LINGO2: variants seen among roughly 807,000 people sequenced by gnomAD.
The protein encoded by LINGO2 is leucine rich repeat and Ig domain containing 2, also known as leucine-rich repeat and immunoglobulin-like domain-containing nogo receptor-interacting protein 2.
In LINGO2, 14 loss-of-function variants were observed where a neutral mutation model predicts 30.6. That is an observed-to-expected ratio of 0.46 (90% CI 0.30 to 0.72). The LOEUF (loss-of-function observed/expected upper bound fraction) is 0.72. LINGO2 is among the 30% of genes least tolerant of loss of function. LINGO2 has a pLI of 0.07. For missense variants in LINGO2, 729 were observed against 751.7 expected (o/e 0.97, Z 0.35); for synonymous variants, 317 against 288.5 (o/e 1.10, Z -1.00).
chr9:29,111,835 A>ATG, the LINGO2 span, among the ~76,000 whole-genome samples: 55 of 147,828 alleles, frequency 3.7e-4, no homozygotes, highest in East Asian at 3.2e-3. Context: ...ATATATATAT[A>ATG]TGTGTGTGTA....
intron 1 of LINGO2, among the ~76,000 whole-genome samples, chr9:28,647,760 C>T (rs1827903098): frequency 6.6e-6 from 1 of 152,012 alleles, no homozygotes; most frequent in African/African-American, 2.4e-5. Context: ...TCACAATAAA[C>T]TGAACCTTCC....
the LINGO2 span, among the ~76,000 whole-genome samples, chr9:28,826,210 T>G: frequency 6.6e-6 from 1 of 152,168 alleles, no homozygotes; most frequent in Non-Finnish European, 1.5e-5. Context: ...CATTGTTAAC[T>G]TAGGAATGAT....
At chr9:28,451,152 T>G (rs1400268660) in intron 2 of LINGO2, among the ~76,000 whole-genome samples, 1 of 151,918 alleles carries the variant, frequency 6.6e-6, no homozygotes, top group Admixed American at 6.6e-5. Context: ...TTAGTTCTAA[T>G]TCTTCAATAT....
the LINGO2 span, among the ~76,000 whole-genome samples, chr9:28,708,726 C>T: frequency 7.2e-6 from 1 of 138,376 alleles, no homozygotes; most frequent in East Asian, 2.2e-4. Context: ...TTCAGAGTCA[C>T]AGCAAGCAGA....
At chr9:28,942,693 A>C in the LINGO2 span, among the ~76,000 whole-genome samples, 2 of 152,138 alleles carry the variant, frequency 1.3e-5, no homozygotes, top group African/African-American at 4.8e-5. Flanking sequence ...CTTAGAATGA[A>C]GTTTTATGCT....
At chr9:28,326,172 A>T (rs2026373) in intron 3 of LINGO2, among the ~76,000 whole-genome samples, 2 of 151,918 alleles carry the variant, frequency 1.3e-5, no homozygotes, top group African/African-American at 4.8e-5. Context: ...ATATGTGACT[A>T]ATTTTTGTAT....
chr9:27,956,530 G>A (rs1819578093), intron 5 of LINGO2, among the ~76,000 whole-genome samples: 1 of 152,018 alleles, frequency 6.6e-6, no homozygotes, highest in Non-Finnish European at 1.5e-5. Context: ...ATTTCTTAAA[G>A]AGCAGAAGTT....
chr9:28,599,320 G>A (rs2135739356), intron 1 of LINGO2: 1 of 152,276 alleles, frequency 6.6e-6, no homozygotes, highest in African/African-American at 2.4e-5. Context: ...TTCTTGCAGA[G>A]TTAGAGTATA....
the LINGO2 span, among the ~76,000 whole-genome samples, chr9:29,011,954 A>G: frequency 2.0e-5 from 3 of 152,250 alleles, no homozygotes; most frequent in Admixed American, 2.0e-4. Context: ...GAAAAGGACA[A>G]TAACAAATAA....
the LINGO2 span, among the ~76,000 whole-genome samples, chr9:28,731,859 C>T: frequency 1.3e-5 from 2 of 152,008 alleles, no homozygotes; most frequent in Non-Finnish European, 2.9e-5. Flanking sequence ...GAAAAGGGTA[C>T]ATGACATCTC....
intron 1 of LINGO2, among the ~76,000 whole-genome samples, chr9:28,589,921 A>C (rs571052527): frequency 5.9e-5 from 9 of 152,324 alleles, no homozygotes; most frequent in African/African-American, 1.7e-4. Flanking sequence ...AGGCTACAGT[A>C]ACCAAAACAG....
intron 2 of LINGO2, among the ~76,000 whole-genome samples, chr9:28,442,564 C>G (rs1362683945): frequency 2.0e-5 from 3 of 151,734 alleles, no homozygotes; most frequent in African/African-American, 7.3e-5. Flanking sequence ...AACTATTTTT[C>G]TTTTTTATTC....
chr9:27,981,569 A>AAAAAAATAAAAAAAAAT (rs1222576112), intron 5 of LINGO2, among the ~76,000 whole-genome samples: 1 of 127,934 alleles, frequency 7.8e-6, no homozygotes, highest in African/African-American at 2.7e-5. Context: ...AGAAAAAAAA[A>AAAAAAATAAAAAAAAAT]GAAAAAAAAA....
chr9:28,952,922 C>T, the LINGO2 span, among the ~76,000 whole-genome samples: 1 of 152,116 alleles, frequency 6.6e-6, no homozygotes, highest in Admixed American at 6.5e-5. Context: ...AAATCACTAC[C>T]TTCATAGTAT....
intron 1 of LINGO2, among the ~76,000 whole-genome samples, chr9:28,574,655 A>C (rs1205515707): frequency 6.6e-6 from 1 of 152,148 alleles, no homozygotes; most frequent in Non-Finnish European, 1.5e-5. Flanking sequence ...GAATATTTGA[A>C]AGCTATTCAC....
the LINGO2 span, among the ~76,000 whole-genome samples, chr9:28,785,533 G>A: frequency 1.3e-5 from 2 of 152,224 alleles, no homozygotes; most frequent in Admixed American, 6.5e-5. Flanking sequence ...TAAGCTCTGT[G>A]AGAACAAAAA....
the LINGO2 span, among the ~76,000 whole-genome samples, chr9:28,707,052 T>C: frequency 6.6e-6 from 1 of 152,158 alleles, no homozygotes; most frequent in Admixed American, 6.6e-5. Flanking sequence ...AATATTTATA[T>C]TGGTTTGCAA....
intron 1 of LINGO2, among the ~76,000 whole-genome samples, chr9:28,642,920 C>A (rs4576503): frequency 0.3 from 45,096 of 151,848 alleles, 7,874 homozygotes; most frequent in African/African-American, 0.48. Flanking sequence ...CACTAATATA[C>A]ATATATATGA....
chr9:29,016,388 C>T, the LINGO2 span, among the ~76,000 whole-genome samples: 2 of 152,136 alleles, frequency 1.3e-5, no homozygotes, highest in Admixed American at 1.3e-4. Context: ...CAAGTGACTG[C>T]TTGTGGGCTT....
Sources: allele counts gnomAD v4.1 joint callset (sites outside exome capture counted in the v4.1 genomes callset), GRCh38; gene constraint gnomAD v4.1.1; transcripts MANE v1.5; gene names NCBI Gene and HGNC (gene_info 2026-07-23, HGNC 2026-07-21).